The following UBAC2 variants were observed in gnomAD, a reference collection of about 807,000 sequenced individuals.
UBAC2 encodes ubiquitin-associated domain-containing protein 2.
In UBAC2, 26 loss-of-function variants were observed where a neutral mutation model predicts 44.0. That is an observed-to-expected ratio of 0.59 (90% CI 0.43 to 0.82). UBAC2 has a LOEUF of 0.82. UBAC2 is among the 40% of genes least tolerant of loss of function. The pLI is 0.00. For missense variants in UBAC2, 329 were observed against 419.4 expected (o/e 0.78, Z 1.88); for synonymous variants, 155 against 154.3 (o/e 1.00, Z -0.04).
At chr13:99,317,977 G>A (rs1347408785) in intron 5 of UBAC2, 45 bp from the exon 6 acceptor site, 2 of 1,487,562 alleles carry the variant, frequency 1.3e-6, no homozygotes, top group Admixed American at 1.8e-5. Flanking sequence ...GCTGTGACTG[G>A]CAGTTGAATT....
intron 6 of UBAC2, among the ~76,000 whole-genome samples, chr13:99,321,405 T>G (rs1594125061): frequency 6.6e-6 from 1 of 152,036 alleles, no homozygotes; most frequent in South Asian, 2.1e-4. Context: ...GCCTCCCGGG[T>G]TCAAGTGATT....
intron 6 of UBAC2, among the ~76,000 whole-genome samples, chr13:99,324,099 G>C (rs1176943671): frequency 2.0e-5 from 3 of 152,044 alleles, no homozygotes. Context: ...TCCACTTTCA[G>C]GATTCTGTAT....
chr13:99,229,606 C>T (rs1025666535), intron 1 of UBAC2, among the ~76,000 whole-genome samples: 12 of 152,202 alleles, frequency 7.9e-5, no homozygotes, highest in Admixed American at 5.2e-4. Flanking sequence ...TATATACAAA[C>T]ACACACAGAT....
At chr13:99,367,927 G>A in intron 8 of UBAC2, 21 bp downstream of exon 8, 1 of 1,605,020 alleles carries the variant, frequency 6.2e-7, no homozygotes, top group Non-Finnish European at 8.5e-7. Flanking sequence ...AGTAATACCT[G>A]GTACTCATTC....
intron 6 of UBAC2, among the ~76,000 whole-genome samples, chr13:99,326,226 A>T (rs766127707): frequency 9.9e-5 from 15 of 152,162 alleles, no homozygotes; most frequent in South Asian, 2.1e-4. Flanking sequence ...TTTTTATAAT[A>T]GCCATCCCAG....
At chr13:99,368,688 A>AGTGTGGGTGTGTGTGTGTGTGT (rs1555332920) in intron 8 of UBAC2, among the ~76,000 whole-genome samples, 1 of 146,596 alleles carries the variant, frequency 6.8e-6, no homozygotes, top group Non-Finnish European at 1.5e-5. Flanking sequence ...CTCATGAGAG[A>AGTGTGGGTGTGTGTGTGTGTGT]GTGTGTGTGT....
chr13:99,321,129 A>T (rs1160756460), intron 6 of UBAC2, among the ~76,000 whole-genome samples: 1 of 152,188 alleles, frequency 6.6e-6, no homozygotes, highest in Non-Finnish European at 1.5e-5. Flanking sequence ...TCATTCTGGC[A>T]ATTAATGTGG....
intron 4 of UBAC2, among the ~76,000 whole-genome samples, chr13:99,268,521 T>A (rs2043772562): frequency 7.0e-6 from 1 of 143,280 alleles, no homozygotes; most frequent in Admixed American, 7.3e-5. Flanking sequence ...GGTGGGAGGA[T>A]CACCTGAGCC....
intron 4 of UBAC2, among the ~76,000 whole-genome samples, chr13:99,291,124 C>T (rs1772225423): frequency 6.6e-6 from 1 of 152,122 alleles, no homozygotes; most frequent in Non-Finnish European, 1.5e-5. Flanking sequence ...GACCTTGTTG[C>T]TATAGTTTCC....
chr13:99,225,276 T>G (rs1462090293), intron 1 of UBAC2, among the ~76,000 whole-genome samples: 1 of 152,234 alleles, frequency 6.6e-6, no homozygotes, highest in Non-Finnish European at 1.5e-5. Context: ...TGAAACTCTG[T>G]ATCCATTAAA....
intron 4 of UBAC2, among the ~76,000 whole-genome samples, chr13:99,249,685 C>T (rs2043434161): frequency 6.6e-6 from 1 of 152,256 alleles, no homozygotes; most frequent in Non-Finnish European, 1.5e-5. Context: ...CCTTTTCTCA[C>T]TTATATACAA....
chr13:99,200,890 C>G lies in UBAC2; in HGVS notation c.-19C>G. 6 of 1,303,164 alleles carry G rather than the reference C, an allele frequency of 4.6e-6. No homozygotes were observed. Among genetic ancestry groups the G allele is most frequent in the Non-Finnish European group, 5.9e-6 (6 of 1,017,874 alleles). 80.7% of individuals were successfully genotyped at this position (1,303,164 alleles called of 1,614,324 possible). On this transcript the variant is annotated 5_prime_UTR_variant, in exon 1 of 9. Coordinates refer to ENST00000403766, the MANE Select transcript of UBAC2 (RefSeq NM_001144072.2). ...TCCCCTCCCCCGGCGCCCTCTGGGG[C>G]TCCGAGCCCGGCGGGACCATGTTCA...
intron 8 of UBAC2, among the ~76,000 whole-genome samples, chr13:99,379,866 C>T (rs2045528068): frequency 6.6e-6 from 1 of 152,218 alleles, no homozygotes; most frequent in Non-Finnish European, 1.5e-5. Flanking sequence ...GGTATCTGCA[C>T]ACCTTTTAGA....
chr13:99,241,451 A>G (rs1371202328), intron 2 of UBAC2, among the ~76,000 whole-genome samples: 2 of 152,212 alleles, frequency 1.3e-5, no homozygotes, highest in Non-Finnish European at 2.9e-5. Flanking sequence ...ATGCTTTACC[A>G]TGAACCTTGA....
At chr13:99,238,595 G>GTTT (rs756738652) in intron 2 of UBAC2, 41 bp downstream of exon 2, 54 of 1,264,524 alleles carry the variant, frequency 4.3e-5, no homozygotes, top group South Asian at 2.0e-4. Context: ...AGAGCGGACA[G>GTTT]TTTTTTTTTT....
chr13:99,333,518 A>G (rs1006109707), intron 6 of UBAC2, among the ~76,000 whole-genome samples: 7 of 152,248 alleles, frequency 4.6e-5, no homozygotes, highest in African/African-American at 1.7e-4. Flanking sequence ...TTACAGTACT[A>G]TGTGCCAGAC....
At position 99,330,458 on chromosome 13, in the gene UBAC2, CAA is replaced by C. The variant is rs59409181; in HGVS notation, c.562-9845_562-9844del. On this transcript the variant is annotated intron_variant, in intron 6 of 8. Coordinates refer to ENST00000403766, the MANE Select transcript of UBAC2 (RefSeq NM_001144072.2). ...TGGGTGACAGAGTGAGACGTCATCT[CAA>C]AAAAAAAAAAAAAAAAGAAATACAG... Among the ~76,000 whole-genome samples, 256 of 46,042 alleles carry C rather than the reference CAA, an allele frequency of 5.6e-3. 15 individuals are homozygous for C. Among genetic ancestry groups the C allele is most frequent in the African/African-American group, 0.015 (204 of 13,440 alleles). The allele number at this position is 46,042 out of a possible 152,430, so 30.2% of individuals were successfully genotyped here.
chr13:99,244,806 AT>A (rs2043361987), intron 4 of UBAC2, among the ~76,000 whole-genome samples, 182 bp downstream of exon 4: 2 of 96,030 alleles, frequency 2.1e-5, no homozygotes, highest in Admixed American at 1.9e-4. Context: ...AATAGAATCA[AT>A]TTTATATTCT....
chr13:99,331,065 G>A (rs2181502), intron 6 of UBAC2, among the ~76,000 whole-genome samples: 87,718 of 151,966 alleles, frequency 0.58, 27,024 homozygotes, highest in Non-Finnish European at 0.71. Context: ...GGGAAGGTTC[G>A]TTTTATTTGA....
Sources: gnomAD v4.1 joint callset for allele counts (sites outside exome capture counted in the v4.1 genomes callset) on GRCh38, gnomAD v4.1.1 for gene constraint, MANE v1.5 for transcripts, NCBI Gene and HGNC (gene_info 2026-07-23, HGNC 2026-07-21) for gene names.